Variants in SUN1 observed in about 807,000 individuals in gnomAD.
SUN1 encodes the protein SUN domain-containing protein 1.
In SUN1, 61 loss-of-function variants were observed where a neutral mutation model predicts 103.2. That is an observed-to-expected ratio of 0.59 (90% CI 0.48 to 0.73). The LOEUF (loss-of-function observed/expected upper bound fraction) is 0.73. Among genes scored for constraint, SUN1 ranks in the 30% least tolerant of loss-of-function variants. The pLI is 0.00. For synonymous variants in SUN1, 490 were observed against 425.7 expected, an observed-to-expected ratio of 1.15 and a Z score of -1.86; for missense variants, 1,052 against 1,034.6, an observed-to-expected ratio of 1.02 and a Z score of -0.23.
At chr7:824,352 C>G (rs1177339869) in intron 1 of SUN1, among the ~76,000 whole-genome samples, 1 of 152,182 alleles carries the variant, frequency 6.6e-6, no homozygotes, top group African/African-American at 2.4e-5. Context: ...TGCAGCACAT[C>G]CCTGCTTGAG....
At chr7:857,730 C>A in intron 12 of SUN1, 98 bp from the exon 13 acceptor site, 1 of 1,404,788 alleles carries the variant, frequency 7.1e-7, no homozygotes, top group South Asian at 1.8e-5. Flanking sequence ...GTTGTGACAC[C>A]CAGGAGTGGG....
At chr7:842,489 G>A (rs1811080371) in intron 3 of SUN1, 1 of 228,220 alleles carries the variant, frequency 4.4e-6, no homozygotes, top group African/African-American at 2.3e-5. Context: ...TAGGATGTTT[G>A]AACAAAGACA....
At chr7:855,179 A>C (rs975872912) in intron 11 of SUN1, among the ~76,000 whole-genome samples, 173 bp downstream of exon 11, 2 of 152,230 alleles carry the variant, frequency 1.3e-5, no homozygotes, top group Admixed American at 6.5e-5. Flanking sequence ...CTGGGGCTCT[A>C]ACATTGAATC....
At chr7:827,619 G>A (rs528775614), upstream of SUN1, among the ~76,000 whole-genome samples, 70 of 151,056 alleles carry the variant, frequency 4.6e-4, no homozygotes, top group Non-Finnish European at 6.1e-4. Flanking sequence ...ACAGGTGCCC[G>A]CCACCACGCC....
At position 842,149 on chromosome 7, in the gene SUN1, C is replaced by T. The variant is rs1474724965; in HGVS notation, c.451+19C>T. ...TTCTGGGGTGAGTCCCTGCGAGACA[C>T]AGATTGTCCCGCCTACAGTTGGGGT... On this transcript the variant is annotated intron_variant, in intron 3 of 18. Coordinates refer to ENST00000401592, the MANE Select transcript of SUN1 (RefSeq NM_001130965.3). 1.9e-6 allele frequency: 3 copies of T among 1,604,708 alleles called. No individual in the cohort carries two copies. Among genetic ancestry groups the T allele is most frequent in the African/African-American group, 1.3e-5 (1 of 74,752 alleles).
chr7:860,974 T>G (rs1325882426), intron 14 of SUN1, among the ~76,000 whole-genome samples: 1 of 152,218 alleles, frequency 6.6e-6, no homozygotes, highest in Non-Finnish European at 1.5e-5. Flanking sequence ...GTGGGAATTA[T>G]GGGAGCTGCA....
chr7:817,506 G>T, intron 1 of SUN1: 2 of 1,536,022 alleles, frequency 1.3e-6, no homozygotes, highest in Non-Finnish European at 1.7e-6. Flanking sequence ...ACAGGTGGGC[G>T]GTGCGGTCCG....
rs760100798 is a variant in SUN1 at position 851,412 on chromosome 7, G to T, written c.687G>T (p.Arg229Ser). Residue 229 changes from arginine (R) to serine (S), a missense_variant, in exon 6 of 19, where the codon AGG (arginine) becomes AGT (serine). This residue lies in a region of SUN1 where 846 missense variants were observed against 774.5 expected (regional missense o/e 1.09). Transcript: ENST00000401592. ...ACTTCTTGCTGCAGATTCTGCGCAGGATCGGAGCTGTGGGCCAGGCTGTGT... is the reference window on the plus strand; with the variant it reads ...ACTTCTTGCTGCAGATTCTGCGCAGTATCGGAGCTGTGGGCCAGGCTGTGT... The part of the protein sequence containing the change: ...KCYFLLQILR[R>S]IGAVGQAVSR... The T allele has an allele frequency of 5.6e-6, 9 of 1,609,028 alleles. No individual in the cohort carries two copies. The highest frequency in any genetic ancestry group is 1.7e-5 in the Admixed American group (1 of 59,308).
chr7:827,508 C>T (rs1211155746), upstream of SUN1, among the ~76,000 whole-genome samples: 5 of 143,592 alleles, frequency 3.5e-5, no homozygotes, highest in South Asian at 2.2e-4. Context: ...CACGCTCTGT[C>T]CCCCAGGCTG....
intron 1 of SUN1, among the ~76,000 whole-genome samples, chr7:817,995 C>T (rs1782444053): frequency 6.6e-6 from 1 of 152,046 alleles, no homozygotes. Context: ...TTTTAAATTT[C>T]CCAGAGCTGT....
intron 5 of SUN1, chr7:849,669 G>T: frequency 6.7e-7 from 1 of 1,499,950 alleles, no homozygotes; most frequent in Admixed American, 1.7e-5. Context: ...TGTCATGTTG[G>T]GTACTAGCAG....
At chr7:859,598 C>T (rs561377051) in intron 13 of SUN1, among the ~76,000 whole-genome samples, 4 of 152,278 alleles carry the variant, frequency 2.6e-5, no homozygotes, top group Admixed American at 6.5e-5. Context: ...CTGTGATGAA[C>T]GGTCGTGTCC....
intron 1 of SUN1, among the ~76,000 whole-genome samples, chr7:821,110 A>G (rs556579228): frequency 5.6e-4 from 84 of 151,262 alleles, no homozygotes; most frequent in African/African-American, 2.0e-3. Flanking sequence ...CCCTTTCTCA[A>G]AGGGGTATGT....
intron 17 of SUN1, among the ~76,000 whole-genome samples, chr7:871,843 T>G (rs560248767): frequency 8.5e-4 from 129 of 152,352 alleles, no homozygotes; most frequent in Middle Eastern, 6.8e-3. Flanking sequence ...GTTCTCTGAC[T>G]CGGATAAAAG....
chr7:821,778 C>A (rs2128140611), intron 1 of SUN1, among the ~76,000 whole-genome samples: 1 of 152,282 alleles, frequency 6.6e-6, no homozygotes, highest in East Asian at 1.9e-4. Flanking sequence ...ATAACGCCCA[C>A]TGGTGATTCC....
intron 17 of SUN1, 139 bp downstream of exon 17, chr7:869,655 A>G (rs938397558): frequency 3.8e-6 from 4 of 1,050,320 alleles, no homozygotes; most frequent in Non-Finnish European, 4.0e-6. Flanking sequence ...GTTGAGGGGA[A>G]CATTCCAGTG....
chr7:849,021 G>A (rs1054186995), intron 5 of SUN1, among the ~76,000 whole-genome samples: 7 of 151,558 alleles, frequency 4.6e-5, no homozygotes, highest in Admixed American at 1.3e-4. Context: ...GTGTGATCTC[G>A]GCTCACCGCA....
At chr7:854,705 C>G (rs1825524777) in intron 10 of SUN1, among the ~76,000 whole-genome samples, 1 of 152,088 alleles carries the variant, frequency 6.6e-6, no homozygotes, top group African/African-American at 2.4e-5. Context: ...GGAGTGCAAC[C>G]TTAAAATAAA....
At chr7:847,834 G>A (rs112432213) in intron 5 of SUN1, among the ~76,000 whole-genome samples, 1,442 of 107,340 alleles carry the variant, frequency 0.013, 47 homozygotes, top group African/African-American at 0.05. Context: ...GGGTTACCCC[G>A]CAGCGCCGTG....
Sources: allele counts gnomAD v4.1 joint callset (sites outside exome capture counted in the v4.1 genomes callset), GRCh38; gene constraint gnomAD v4.1.1; regional missense constraint gnomAD v4.1.1; transcripts MANE v1.5; gene names NCBI Gene and HGNC (gene_info 2026-07-23, HGNC 2026-07-21).